The following LAMA2 variants were observed in gnomAD, a reference collection of about 807,000 sequenced individuals.
LAMA2 encodes the protein laminin subunit alpha 2.
A neutral mutation model predicts 364.8 loss-of-function variants in LAMA2; 269 were observed. The ratio of observed to expected loss-of-function variants is 0.74; its 90% CI spans 0.67 to 0.82. LAMA2 has a LOEUF of 0.82. Among genes scored for constraint, LAMA2 ranks in the 40% least tolerant of loss-of-function variants. The pLI, the probability that LAMA2 is intolerant of heterozygous loss-of-function variation, is 0.00. For synonymous variants in LAMA2, 1,379 were observed against 1,370.6 expected, an observed-to-expected ratio of 1.01 and a Z score of -0.14; for missense variants, 3,807 against 3,873.2, an observed-to-expected ratio of 0.98 and a Z score of 0.45.
intron 1 of LAMA2, among the ~76,000 whole-genome samples, chr6:128,891,222 A>G (rs1055266455): frequency 6.6e-6 from 1 of 152,136 alleles, no homozygotes; most frequent in Non-Finnish European, 1.5e-5. Context: ...TATGGACCAA[A>G]GAATAAATTA....
At chr6:129,327,768 G>T (rs573573360) in intron 28 of LAMA2, among the ~76,000 whole-genome samples, 25 of 152,124 alleles carry the variant, frequency 1.6e-4, no homozygotes, top group African/African-American at 6.0e-4. Flanking sequence ...TCTAATAGTC[G>T]CAAGACATGT....
chr6:129,457,707 G>T (rs1313889080), intron 48 of LAMA2, among the ~76,000 whole-genome samples: 2 of 152,016 alleles, frequency 1.3e-5, no homozygotes, highest in Admixed American at 1.3e-4. Context: ...CATTAGGGCT[G>T]CTATAAGAAA....
chr6:129,231,412 G>A (rs1784661920), intron 12 of LAMA2, among the ~76,000 whole-genome samples: 1 of 152,100 alleles, frequency 6.6e-6, no homozygotes, highest in Non-Finnish European at 1.5e-5. Context: ...CTGGCGCAGA[G>A]TTAATTGTTT....
intron 1 of LAMA2, among the ~76,000 whole-genome samples, chr6:128,989,064 T>A (rs1783444552): frequency 6.6e-6 from 1 of 152,328 alleles, no homozygotes; most frequent in South Asian, 2.1e-4. Flanking sequence ...ATGTTATACA[T>A]GTTATAATTA....
intron 4 of LAMA2, among the ~76,000 whole-genome samples, chr6:129,108,919 G>T (rs1445136595): frequency 6.6e-6 from 1 of 152,062 alleles, no homozygotes; most frequent in Non-Finnish European, 1.5e-5. Flanking sequence ...ACCTGATTTG[G>T]TTTTAATAAG....
intron 1 of LAMA2, among the ~76,000 whole-genome samples, chr6:128,986,259 A>T (rs1783229254): frequency 6.6e-6 from 1 of 151,940 alleles, no homozygotes; most frequent in Admixed American, 6.6e-5. Context: ...CAGTGTTAAG[A>T]TGTGGTAGGA....
At chr6:129,510,063 C>T (rs572113594) in intron 62 of LAMA2, among the ~76,000 whole-genome samples, 3 of 152,098 alleles carry the variant, frequency 2.0e-5, no homozygotes, top group Middle Eastern at 3.4e-3. Flanking sequence ...ATCTGGAACA[C>T]GACAAGGATG....
chr6:129,410,943 A>G (rs1780511140), intron 40 of LAMA2, among the ~76,000 whole-genome samples: 1 of 152,126 alleles, frequency 6.6e-6, no homozygotes, highest in East Asian at 1.9e-4. Flanking sequence ...TAGAGAGAAA[A>G]TGAGATGAGA....
Position 128,962,743 on chromosome 6 carries a change from C to T in LAMA2, c.112+79386C>T, listed in dbSNP as rs560168558. Among the ~76,000 whole-genome samples, 7 of 152,184 alleles carry T rather than the reference C, an allele frequency of 4.6e-5. No individual in the cohort carries two copies. The East Asian group carries it at 1.4e-3, about 29-fold the overall frequency. ...TGGGTACTAAAGAAGTCTATAAATC[C>T]CAATCACAACTGTGATTAATTACAA... is the stretch of plus-strand genomic sequence containing the variant. On this transcript the variant is annotated intron_variant, in intron 1 of 64. Coordinates refer to ENST00000421865, the MANE Select transcript of LAMA2 (RefSeq NM_000426.4).
intron 22 of LAMA2, among the ~76,000 whole-genome samples, chr6:129,305,257 G>A (rs1006631452): frequency 6.6e-6 from 1 of 150,626 alleles, no homozygotes; most frequent in Non-Finnish European, 1.5e-5. Flanking sequence ...TTTTAATGGT[G>A]TTTGTGTGGT....
rs559380348 is a variant in LAMA2 at position 129,090,671 on chromosome 6, A to G, written c.397-7502A>G. ...AGTACTGTTTGCATATTTCTCTACTACTATATTTCCTGAAAACTGATAGAT... is the reference window on the plus strand; with the variant it reads ...AGTACTGTTTGCATATTTCTCTACTGCTATATTTCCTGAAAACTGATAGAT... On this transcript the variant is annotated intron_variant, in intron 3 of 64. Transcript: ENST00000421865. Among the ~76,000 whole-genome samples the G allele has an allele frequency of 3.3e-5, 5 of 152,236 alleles. No individual in the cohort carries two copies. The South Asian group carries it at 1.0e-3, about 32-fold the overall frequency.
At chr6:129,127,169 C>T (rs537781839) in intron 4 of LAMA2, among the ~76,000 whole-genome samples, 1 of 152,170 alleles carries the variant, frequency 6.6e-6, no homozygotes, top group Non-Finnish European at 1.5e-5. Context: ...CCATGCTGTG[C>T]ACTAAAAGTA....
chr6:129,318,503 G>A (rs541993018), intron 27 of LAMA2, among the ~76,000 whole-genome samples: 2 of 152,244 alleles, frequency 1.3e-5, no homozygotes, highest in African/African-American at 4.8e-5. Context: ...TCTGTTATGT[G>A]CATTCATGTG....
chr6:129,213,551 G>A (rs2115077282), intron 12 of LAMA2, among the ~76,000 whole-genome samples: 1 of 152,258 alleles, frequency 6.6e-6, no homozygotes, highest in South Asian at 2.1e-4. Flanking sequence ...TATTGTCAAT[G>A]TTTTAGACAT....
chr6:129,423,199 A>G (rs780848018), intron 40 of LAMA2, among the ~76,000 whole-genome samples: 3 of 151,940 alleles, frequency 2.0e-5, no homozygotes, highest in African/African-American at 7.3e-5. Flanking sequence ...ATAAAAACCT[A>G]TTTTTTAAAA....
rs7767607 is a variant in LAMA2, at chr6:129,251,998, G to A, written c.1885-86G>A. 2.9e-3 allele frequency: 2,364 copies of A among 803,308 alleles called. 39 individuals are homozygous for A. In the African/African-American group the frequency reaches 0.037, roughly 12 times the overall value. 49.8% of individuals were successfully genotyped at this position (803,308 alleles called of 1,614,324 possible). Reference sequence around the variant, plus strand: ...TTAAAGTTAAAAGTCTATTGAGGGTGGAGGATACAAATATAGATATGTTTG... The same window carrying A: ...TTAAAGTTAAAAGTCTATTGAGGGTAGAGGATACAAATATAGATATGTTTG... On this transcript the variant is annotated intron_variant, in intron 13 of 64. Coordinates refer to ENST00000421865, the MANE Select transcript of LAMA2 (RefSeq NM_000426.4).
intron 37 of LAMA2, among the ~76,000 whole-genome samples, chr6:129,398,451 CT>C (rs1779778787): frequency 7.1e-6 from 1 of 140,888 alleles, no homozygotes; most frequent in Non-Finnish European, 1.6e-5. Context: ...ACTTCATTTT[CT>C]TTTTTCTTTC....
In LAMA2 at chr6:129,404,939, G is replaced by A. The variant is rs543156963; in HGVS notation, c.5865+980G>A. On this transcript the variant is annotated intron_variant, in intron 40 of 64. Coordinates refer to ENST00000421865, the MANE Select transcript of LAMA2 (RefSeq NM_000426.4). ...ATCATAATGAAACATCATATTCTAT[G>A]AGCAATTTGTACTGTTTTTGGTTTC... Among the ~76,000 whole-genome samples the A allele has an allele frequency of 3.8e-4, 58 of 152,080 alleles. 1 individual carries two copies. Among genetic ancestry groups the A allele is most frequent in the African/African-American group, 1.2e-3 (51 of 41,518 alleles).
intron 4 of LAMA2, among the ~76,000 whole-genome samples, chr6:129,120,344 G>A (rs777505566): frequency 2.7e-4 from 41 of 152,052 alleles, no homozygotes; most frequent in Non-Finnish European, 5.0e-4. Context: ...TTATCATTAC[G>A]AAAAGGAAAG....
Sources: gnomAD v4.1 joint callset for allele counts (sites outside exome capture counted in the v4.1 genomes callset) on GRCh38, gnomAD v4.1.1 for gene constraint, MANE v1.5 for transcripts, NCBI Gene and HGNC (gene_info 2026-07-23, HGNC 2026-07-21) for gene names.